Variants in RORA observed in about 807,000 individuals in gnomAD.
The protein encoded by RORA is nuclear receptor ROR-alpha.
RORA carries 7 observed loss-of-function variants against 69.5 expected under a neutral mutation model. The observed-to-expected ratio is 0.10, with a 90% confidence interval of 0.06 to 0.19. The LOEUF is 0.19. RORA is among the 10% of genes least tolerant of loss of function. The pLI, the probability that RORA is intolerant of heterozygous loss-of-function variation, is 1.00. For synonymous variants in RORA, 261 were observed against 240.8 expected, an observed-to-expected ratio of 1.08 and a Z score of -0.78; for missense variants, 457 against 663.0, an observed-to-expected ratio of 0.69 and a Z score of 3.41.
At chr15:60,614,654 G>C (rs2069183102) in intron 2 of RORA, among the ~76,000 whole-genome samples, 1 of 152,128 alleles carries the variant, frequency 6.6e-6, no homozygotes, top group African/African-American at 2.4e-5. Context: ...ACAGGAGAAA[G>C]AACAAGGTCT....
intron 1 of RORA, among the ~76,000 whole-genome samples, chr15:61,134,267 G>C (rs2079216977): frequency 6.6e-6 from 1 of 152,180 alleles, no homozygotes; most frequent in South Asian, 2.1e-4. Context: ...CATACACTAA[G>C]GAAAGTTTCC....
intron 2 of RORA, among the ~76,000 whole-genome samples, chr15:60,577,598 C>T (rs957791673): frequency 3.4e-5 from 5 of 148,068 alleles, no homozygotes; most frequent in African/African-American, 1.3e-4. Flanking sequence ...AAGCCGAGAT[C>T]GCGCCACTGT....
At chr15:60,726,016 T>C (rs535775758) in intron 1 of RORA, among the ~76,000 whole-genome samples, 1 of 152,242 alleles carries the variant, frequency 6.6e-6, no homozygotes, top group South Asian at 2.1e-4. Flanking sequence ...ATCAACTAGG[T>C]ACCAGGCTAA....
At chr15:60,664,954 C>A (rs2070359130) in intron 2 of RORA, among the ~76,000 whole-genome samples, 1 of 152,076 alleles carries the variant, frequency 6.6e-6, no homozygotes, top group Non-Finnish European at 1.5e-5. Flanking sequence ...TAAAAGAATT[C>A]CAAGGAAAAG....
chr15:61,190,582 G>A (rs1040497267), intron 1 of RORA, among the ~76,000 whole-genome samples: 6 of 152,166 alleles, frequency 3.9e-5, no homozygotes, highest in African/African-American at 9.6e-5. Context: ...GCAACATTGC[G>A]AAACCCCATC....
At chr15:60,665,835 C>T (rs911182309) in intron 2 of RORA, among the ~76,000 whole-genome samples, 10 of 151,992 alleles carry the variant, frequency 6.6e-5, no homozygotes, top group African/African-American at 2.4e-4. Flanking sequence ...TCACCATGCC[C>T]GGCTAATTTT....
intron 1 of RORA, among the ~76,000 whole-genome samples, chr15:60,943,613 C>T (rs766843732): frequency 6.6e-6 from 1 of 151,932 alleles, no homozygotes; most frequent in African/African-American, 2.4e-5. Context: ...CCAGCTATTT[C>T]GCAAAAGTGA....
chr15:61,121,992 G>A (rs1289841693), intron 1 of RORA, among the ~76,000 whole-genome samples: 2 of 152,130 alleles, frequency 1.3e-5, no homozygotes, highest in African/African-American at 4.8e-5. Flanking sequence ...AAGATGGGTT[G>A]CTTAAGGATA....
chr15:60,844,424 G>A (rs967010948), intron 1 of RORA, among the ~76,000 whole-genome samples: 9 of 152,156 alleles, frequency 5.9e-5, no homozygotes, highest in South Asian at 2.1e-4. Context: ...TGTTGTTGTC[G>A]TTTGCCCCTA....
At chr15:60,957,733 G>A (rs1380124513) in intron 1 of RORA, among the ~76,000 whole-genome samples, 1 of 152,160 alleles carries the variant, frequency 6.6e-6, no homozygotes, top group Non-Finnish European at 1.5e-5. Context: ...GCTAGAGAAA[G>A]GGGGGACAGT....
chr15:60,866,855 C>CTAT (rs55912042), intron 1 of RORA, among the ~76,000 whole-genome samples: 10,141 of 90,338 alleles, frequency 0.11, 367 homozygotes, highest in Non-Finnish European at 0.12. Flanking sequence ...TATCTATCTA[C>CTAT]CTACCTACCT....
chr15:60,907,137 T>C (rs1379621555), intron 1 of RORA, among the ~76,000 whole-genome samples: 4 of 152,100 alleles, frequency 2.6e-5, no homozygotes, highest in African/African-American at 9.7e-5. Flanking sequence ...ATTATCATCA[T>C]CACCACCATC....
chr15:61,114,586 G>C (rs2079034085), intron 1 of RORA, among the ~76,000 whole-genome samples: 1 of 152,188 alleles, frequency 6.6e-6, no homozygotes, highest in South Asian at 2.1e-4. Context: ...TCCCTTTTCT[G>C]CAAGTATTTG....
chr15:60,965,676 T>C (rs546400206), intron 1 of RORA, among the ~76,000 whole-genome samples: 4 of 152,332 alleles, frequency 2.6e-5, no homozygotes, highest in African/African-American at 9.6e-5. Context: ...TTGATGAAGC[T>C]ATTAAGATGC....
intron 1 of RORA, among the ~76,000 whole-genome samples, chr15:60,706,518 A>C (rs2071064984): frequency 2.0e-5 from 3 of 152,198 alleles, no homozygotes; most frequent in Admixed American, 1.3e-4. Context: ...TATCTGTTGA[A>C]GCAATAGGAG....
At chr15:60,882,297 C>T (rs7172727) in intron 1 of RORA, among the ~76,000 whole-genome samples, 1,994 of 152,276 alleles carry the variant, frequency 0.013, 40 homozygotes, top group African/African-American at 0.045. Context: ...TTTGTGATTA[C>T]GACAACTAGG....
chr15:60,795,524 G>C (rs1244318539), intron 1 of RORA, among the ~76,000 whole-genome samples: 1 of 152,172 alleles, frequency 6.6e-6, no homozygotes, highest in Non-Finnish European at 1.5e-5. Context: ...ACTGTATTTC[G>C]CTGAGGCACA....
intron 2 of RORA, among the ~76,000 whole-genome samples, chr15:60,623,259 C>G (rs2140629302): frequency 6.6e-6 from 1 of 151,990 alleles, no homozygotes; most frequent in East Asian, 1.9e-4. Flanking sequence ...GTGTAGGGAC[C>G]CCCAGGAATC....
chr15:61,016,570 C>G (rs1379608330), intron 1 of RORA, among the ~76,000 whole-genome samples: 3 of 152,180 alleles, frequency 2.0e-5, no homozygotes, highest in African/African-American at 7.2e-5. Context: ...TTAAAGAACA[C>G]TCCTTGGAAG....
Sources: allele counts gnomAD v4.1 joint callset (sites outside exome capture counted in the v4.1 genomes callset), GRCh38; gene constraint gnomAD v4.1.1; transcripts MANE v1.5; gene names NCBI Gene and HGNC (gene_info 2026-07-23, HGNC 2026-07-21).